The following NCKAP5 variants were observed in gnomAD, a reference collection of about 807,000 sequenced individuals.
The protein encoded by NCKAP5 is NCK associated protein 5, also known as nck-associated protein 5.
In NCKAP5, 92 loss-of-function variants were observed where a neutral mutation model predicts 167.0. The ratio of observed to expected loss-of-function variants is 0.55; its 90% CI spans 0.47 to 0.66. The LOEUF (loss-of-function observed/expected upper bound fraction) is 0.66, where lower values mean the gene tolerates loss of function less well. Among genes scored for constraint, NCKAP5 ranks in the 30% least tolerant of loss-of-function variants. NCKAP5 has a pLI of 0.00. For synonymous variants in NCKAP5, 891 were observed against 877.4 expected (o/e 1.02, Z -0.27); for missense variants, 2,378 against 2,315.0 (o/e 1.03, Z -0.56).
At chr2:133,108,187 C>G (rs2081780626) in intron 6 of NCKAP5, among the ~76,000 whole-genome samples, 1 of 152,048 alleles carries the variant, frequency 6.6e-6, no homozygotes, top group African/African-American at 2.4e-5. Flanking sequence ...CTGTGTCTGC[C>G]CTAATCAGAG....
At chr2:133,050,131 C>G (rs534363849) in intron 6 of NCKAP5, among the ~76,000 whole-genome samples, 1 of 152,256 alleles carries the variant, frequency 6.6e-6, no homozygotes, top group African/African-American at 2.4e-5. Flanking sequence ...TACAACTCCT[C>G]CCATGTTCTT....
At chr2:133,419,122 T>C (rs1219812300) in intron 3 of NCKAP5, among the ~76,000 whole-genome samples, 1 of 152,212 alleles carries the variant, frequency 6.6e-6, no homozygotes, top group African/African-American at 2.4e-5. Context: ...AATGCTTCTG[T>C]GCTGCTGCAA....
chr2:132,903,648 G>A (rs1219568067), intron 8 of NCKAP5, among the ~76,000 whole-genome samples: 1 of 152,114 alleles, frequency 6.6e-6, no homozygotes, highest in Non-Finnish European at 1.5e-5. Context: ...TGTCACAGGG[G>A]AAACAGAATG....
intron 15 of NCKAP5, among the ~76,000 whole-genome samples, chr2:132,774,632 GT>G (rs1333566290): frequency 6.6e-6 from 1 of 152,180 alleles, no homozygotes; most frequent in Non-Finnish European, 1.5e-5. Flanking sequence ...TCTCCTTAAA[GT>G]TGGCACAAAT....
the NCKAP5 span, among the ~76,000 whole-genome samples, chr2:133,660,850 C>T: frequency 5.9e-5 from 9 of 152,008 alleles, no homozygotes; most frequent in South Asian, 2.1e-4. Flanking sequence ...TTTGCTCATA[C>T]GCCTTTTGAA....
At chr2:133,109,888 C>T (rs1003530948) in intron 6 of NCKAP5, among the ~76,000 whole-genome samples, 1 of 152,166 alleles carries the variant, frequency 6.6e-6, no homozygotes, top group African/African-American at 2.4e-5. Context: ...ACCAAGTAAT[C>T]GCAGAAACAT....
chr2:133,273,894 TAA>T (rs149933236), intron 4 of NCKAP5, among the ~76,000 whole-genome samples: 1 of 136,354 alleles, frequency 7.3e-6, no homozygotes, highest in Non-Finnish European at 1.6e-5. Context: ...ATTCAGGGTT[TAA>T]AAAAAAATAA....
intron 19 of NCKAP5, chr2:132,714,861 C>T (rs1218977535): frequency 6.6e-6 from 3 of 455,006 alleles, no homozygotes; most frequent in African/African-American, 4.0e-5. Flanking sequence ...CGCTGAAACC[C>T]AGGTATGTAA....
chr2:132,942,719 A>G (rs944038234), intron 8 of NCKAP5, among the ~76,000 whole-genome samples: 1 of 152,194 alleles, frequency 6.6e-6, no homozygotes, highest in Non-Finnish European at 1.5e-5. Flanking sequence ...TTTCCAACAG[A>G]TGACATGACC....
chr2:132,919,641 C>CA (rs1306956035), intron 8 of NCKAP5, among the ~76,000 whole-genome samples: 1 of 151,126 alleles, frequency 6.6e-6, no homozygotes, highest in Non-Finnish European at 1.5e-5. Flanking sequence ...TCAGCAACGA[C>CA]AGACAAGAAG....
At chr2:133,181,726 C>T (rs1028921018) in intron 5 of NCKAP5, among the ~76,000 whole-genome samples, 25 of 150,788 alleles carry the variant, frequency 1.7e-4, no homozygotes, top group African/African-American at 4.7e-4. Context: ...TGCAGTGAGC[C>T]GAGATCACAC....
At chr2:132,762,621 C>T (rs916699917) in intron 16 of NCKAP5, among the ~76,000 whole-genome samples, 2 of 152,154 alleles carry the variant, frequency 1.3e-5, no homozygotes, top group East Asian at 1.9e-4. Context: ...CACGCCACCT[C>T]GTAGGGCTGC....
intron 6 of NCKAP5, among the ~76,000 whole-genome samples, chr2:133,036,200 G>C (rs1418209502): frequency 6.6e-6 from 1 of 151,848 alleles, no homozygotes; most frequent in South Asian, 2.1e-4. Flanking sequence ...CAGTAAAGAA[G>C]AACTTGGGAC....
chr2:133,628,381 C>A, the NCKAP5 span, among the ~76,000 whole-genome samples: 135 of 152,256 alleles, frequency 8.9e-4, no homozygotes, highest in Middle Eastern at 6.8e-3. Flanking sequence ...CATGAATGAA[C>A]TCCCATTCAC....
At chr2:132,810,797 A>G (rs1293136736) in intron 11 of NCKAP5, among the ~76,000 whole-genome samples, 1 of 152,154 alleles carries the variant, frequency 6.6e-6, no homozygotes, top group Non-Finnish European at 1.5e-5. Flanking sequence ...CTTGGTTTGG[A>G]TCCATTGCTG....
intron 3 of NCKAP5, among the ~76,000 whole-genome samples, chr2:133,482,222 TTTTC>T (rs1033879253): frequency 1.3e-5 from 2 of 150,876 alleles, no homozygotes; most frequent in African/African-American, 5.0e-5. Flanking sequence ...TTTTTTTTCT[TTTTC>T]TTTTTCTTTT....
intron 2 of NCKAP5, among the ~76,000 whole-genome samples, chr2:133,538,896 AGTTTTTTTTTG>A (rs1316881055): frequency 2.6e-5 from 3 of 115,248 alleles, no homozygotes; most frequent in African/African-American, 3.5e-5. Context: ...AGATGTACCT[AGTTTTTTTTTG>A]GTTTTTTTTT....
chr2:133,630,749 C>T, the NCKAP5 span, among the ~76,000 whole-genome samples: 4 of 152,176 alleles, frequency 2.6e-5, no homozygotes, highest in African/African-American at 9.7e-5. Flanking sequence ...TTGTCCTAGA[C>T]ATGGGAGTTA....
At chr2:132,928,145 A>T (rs1696062865) in intron 8 of NCKAP5, among the ~76,000 whole-genome samples, 2 of 152,186 alleles carry the variant, frequency 1.3e-5, no homozygotes, top group Admixed American at 1.3e-4. Flanking sequence ...CAGCTTTACC[A>T]CTTATTAACT....
Sources: allele counts gnomAD v4.1 joint callset (sites outside exome capture counted in the v4.1 genomes callset), GRCh38; gene constraint gnomAD v4.1.1; transcripts MANE v1.5; gene names NCBI Gene and HGNC (gene_info 2026-07-23, HGNC 2026-07-21).